The following PAPOLG variants were observed in gnomAD, a reference collection of about 807,000 sequenced individuals.
PAPOLG encodes the protein poly(A) polymerase gamma.
A neutral mutation model predicts 99.0 loss-of-function variants in PAPOLG; 40 were observed. That is an observed-to-expected ratio of 0.40 (90% CI 0.31 to 0.53). The LOEUF (loss-of-function observed/expected upper bound fraction) is 0.53. Among genes scored for constraint, PAPOLG ranks in the 20% least tolerant of loss-of-function variants. The pLI, the probability that PAPOLG is intolerant of heterozygous loss-of-function variation, is 0.41. For missense variants in PAPOLG, 675 were observed against 884.1 expected (o/e 0.76, Z 3.00); for synonymous variants, 310 against 299.3 (o/e 1.04, Z -0.37).
intron 3 of PAPOLG, among the ~76,000 whole-genome samples, chr2:60,764,308 T>C (rs1313694324): frequency 6.6e-6 from 1 of 152,166 alleles, no homozygotes; most frequent in Non-Finnish European, 1.5e-5. Context: ...GCCCACTGTT[T>C]AAAAGAAAGC....
intron 5 of PAPOLG, among the ~76,000 whole-genome samples, chr2:60,769,466 G>A (rs1023402287): frequency 6.6e-5 from 10 of 152,296 alleles, no homozygotes; most frequent in African/African-American, 2.4e-4. Context: ...AATGCATTCT[G>A]AAGTGCTAGA....
intron 11 of PAPOLG, 58 bp downstream of exon 11, chr2:60,782,063 T>G: frequency 1.3e-6 from 2 of 1,523,762 alleles, no homozygotes; most frequent in Admixed American, 1.7e-5. Context: ...GTTAACAGTT[T>G]TATTCTCTGT....
At chr2:60,791,184 G>A (rs753978154) in intron 15 of PAPOLG, among the ~76,000 whole-genome samples, 2 of 152,228 alleles carry the variant, frequency 1.3e-5, no homozygotes, top group South Asian at 2.1e-4. Context: ...GGAAAATACC[G>A]TTTTTTAAAT....
At chr2:60,794,657 T>C in intron 19 of PAPOLG, 53 bp from the exon 20 acceptor site, 1 of 1,457,240 alleles carries the variant, frequency 6.9e-7, no homozygotes, top group Non-Finnish European at 9.6e-7. Context: ...TATAGATTTA[T>C]ATGGGTTTTT....
intron 18 of PAPOLG, 124 bp from the exon 19 acceptor site, chr2:60,793,847 G>C: frequency 5.0e-6 from 7 of 1,409,878 alleles, no homozygotes; most frequent in Non-Finnish European, 6.7e-6. Flanking sequence ...GGAAGTCAAG[G>C]CTGCAGTGAG....
chr2:60,794,091 A>G lies in PAPOLG; in HGVS notation c.1889A>G (p.His630Arg), dbSNP rs775555955. 5 of 1,614,140 alleles carry G rather than the reference A, an allele frequency of 3.1e-6. No homozygotes were observed. Among genetic ancestry groups the G allele is most frequent in the South Asian group, 2.2e-5 (2 of 91,086 alleles). Residue 630 changes from histidine to arginine, a missense_variant, in exon 19 of 22, where the codon CAT (histidine) becomes CGT (arginine). Coordinates refer to ENST00000238714, the MANE Select transcript of PAPOLG (RefSeq NM_022894.4). ...TPHNPAQGQPHLNGMSNITKT... is the reference protein window; with the variant it reads ...TPHNPAQGQPRLNGMSNITKT... ...CACAACCCTGCCCAGGGACAACCGC[A>G]TCTGAATGGAATGTCAAATATAACT...
intron 1 of PAPOLG, among the ~76,000 whole-genome samples, chr2:60,759,771 A>C (rs1670469481): frequency 6.6e-6 from 1 of 152,216 alleles, no homozygotes; most frequent in Non-Finnish European, 1.5e-5. Flanking sequence ...CAAAGATTCT[A>C]GAATCTGGAT....
intron 15 of PAPOLG, 113 bp from the exon 16 acceptor site, chr2:60,791,648 G>A: frequency 1.5e-6 from 2 of 1,293,384 alleles, no homozygotes; most frequent in Middle Eastern, 2.8e-4. Context: ...GGGTGGGTGG[G>A]TGGCCGGTGG....
At position 60,756,436 on chromosome 2, in the gene PAPOLG, C is replaced by T; in HGVS notation, c.-43C>T. The T allele has an allele frequency of 1.2e-6, 2 of 1,613,350 alleles. No individual in the cohort carries two copies. Among genetic ancestry groups the T allele is most frequent in the Non-Finnish European group, 1.7e-6 (2 of 1,179,736 alleles). The stretch of plus-strand genomic sequence containing the variant: ...AGAAGGGAACAGCAAGAACAGGACT[C>T]CAGAGCGATAAACACTCGCTGGAGA... On this transcript the variant is annotated 5_prime_UTR_variant, in exon 1 of 22. Transcript: ENST00000238714.
intron 5 of PAPOLG, among the ~76,000 whole-genome samples, chr2:60,770,123 G>C (rs1322772200): frequency 2.6e-5 from 4 of 152,150 alleles, no homozygotes; most frequent in African/African-American, 9.7e-5. Flanking sequence ...GCAGACGATA[G>C]CAGTTTTGCT....
rs1023304567 is a variant in PAPOLG, at chr2:60,799,129, A to C, written c.*1969A>C. 1 of 152,482 alleles carries C rather than the reference A, an allele frequency of 6.6e-6. No individual in the cohort carries two copies. The highest frequency in any genetic ancestry group is 1.5e-5 in the Non-Finnish European group (1 of 68,032). The allele number at this position is 152,482 out of a possible 1,614,324, so 9.4% of individuals were successfully genotyped here. On this transcript the variant is annotated 3_prime_UTR_variant, in exon 22 of 22. Coordinates refer to ENST00000238714, the MANE Select transcript of PAPOLG (RefSeq NM_022894.4). ...AAAGCTTTAGTAAGGAATTTGATTAAATTTTATATACTGGATGTGTATGCA... is the reference window on the plus strand; with the variant it reads ...AAAGCTTTAGTAAGGAATTTGATTACATTTTATATACTGGATGTGTATGCA...
chr2:60,758,743 T>C (rs1368905723), intron 1 of PAPOLG, among the ~76,000 whole-genome samples: 1 of 152,098 alleles, frequency 6.6e-6, no homozygotes, highest in Non-Finnish European at 1.5e-5. Context: ...ATGAGATCTT[T>C]AGCTATTACA....
intron 5 of PAPOLG, among the ~76,000 whole-genome samples, chr2:60,770,050 A>G (rs1670803596): frequency 6.6e-6 from 1 of 152,076 alleles, no homozygotes; most frequent in Non-Finnish European, 1.5e-5. Flanking sequence ...TTTGCTGAGA[A>G]TGATGGCTTC....
chr2:60,794,336 T>C, intron 19 of PAPOLG, 145 bp downstream of exon 19: 1 of 848,962 alleles, frequency 1.2e-6, no homozygotes, highest in Non-Finnish European at 1.8e-6. Context: ...CAATATTAAT[T>C]GCTCATCCTA....
chr2:60,776,818 C>G (rs1282781914), intron 8 of PAPOLG, among the ~76,000 whole-genome samples: 1 of 152,192 alleles, frequency 6.6e-6, no homozygotes, highest in African/African-American at 2.4e-5. Context: ...TCCTCTCTAG[C>G]TGTGAAAGTC....
At chr2:60,788,746 A>G (rs1007170503) in intron 15 of PAPOLG, among the ~76,000 whole-genome samples, 5 of 152,142 alleles carry the variant, frequency 3.3e-5, no homozygotes, top group African/African-American at 1.2e-4. Context: ...TTGTAATCCT[A>G]ATACTTTGGG....
chr2:60,779,727 C>G lies in PAPOLG; in HGVS notation c.785C>G (p.Ala262Gly). The change falls in exon 9 of 22, where the codon GCA (alanine) becomes GGA (glycine). Residue 262 changes from alanine to glycine, a missense_variant. Ala to Gly is a moderately conservative substitution (Grantham distance 60, BLOSUM62 0). Coordinates refer to ENST00000238714, the MANE Select transcript of PAPOLG (RefSeq NM_022894.4). ...AGAACTTGCCAATTGTATCCAAATG[C>G]AGCAGCATCTACTTTAGTTCATAAG... ...VARTCQLYPN[A>G]AASTLVHKFF... The G allele has an allele frequency of 6.2e-7, 1 of 1,614,086 alleles. No individual in the cohort carries two copies. Among genetic ancestry groups the G allele is most frequent in the East Asian group, 2.2e-5 (1 of 44,880 alleles).
intron 15 of PAPOLG, among the ~76,000 whole-genome samples, chr2:60,788,669 A>G (rs763825542): frequency 2.0e-5 from 3 of 152,044 alleles, no homozygotes; most frequent in Non-Finnish European, 4.4e-5. Context: ...TGTATGTACA[A>G]CCGGGGTTTG....
At chr2:60,763,404 G>C (rs1670579575) in intron 3 of PAPOLG, among the ~76,000 whole-genome samples, 1 of 151,988 alleles carries the variant, frequency 6.6e-6, no homozygotes, top group Admixed American at 6.6e-5. Flanking sequence ...GATTTTTTAT[G>C]GCTTTTTCCC....
Sources: allele counts gnomAD v4.1 joint callset (sites outside exome capture counted in the v4.1 genomes callset), GRCh38; gene constraint gnomAD v4.1.1; transcripts MANE v1.5; gene names NCBI Gene and HGNC (gene_info 2026-07-23, HGNC 2026-07-21).